The following CDKAL1 variants were observed in gnomAD, a reference collection of about 807,000 sequenced individuals.
CDKAL1 encodes the protein CDKAL1 threonylcarbamoyladenosine tRNA methylthiotransferase, also known as threonylcarbamoyladenosine tRNA methylthiotransferase.
CDKAL1 carries 32 observed loss-of-function variants against 68.2 expected under a neutral mutation model. The ratio of observed to expected loss-of-function variants is 0.47; its 90% CI spans 0.35 to 0.63. The LOEUF (loss-of-function observed/expected upper bound fraction) is 0.63, where lower values mean the gene tolerates loss of function less well. CDKAL1 is among the 30% of genes least tolerant of loss of function. CDKAL1 has a pLI of 0.00. For synonymous variants in CDKAL1, 234 were observed against 244.3 expected (o/e 0.96, Z 0.39); for missense variants, 606 against 696.7 (o/e 0.87, Z 1.47).
Position 21,134,320 on chromosome 6 carries a change from G to A in CDKAL1, c.1299+25857G>A, listed in dbSNP as rs1420934053. Among the ~76,000 whole-genome samples, 3 of 152,200 alleles carry A rather than the reference G, an allele frequency of 2.0e-5. No individual in the cohort carries two copies. In the East Asian group the frequency reaches 5.8e-4, roughly 29 times the overall value. ...AATCATAATCCTTTCAGTACCTAGA[G>A]AAGGGAGGGGAAGGGGATTTAAATT... On this transcript the variant is annotated intron_variant, in intron 13 of 15. Transcript: ENST00000274695.
intron 8 of CDKAL1, among the ~76,000 whole-genome samples, chr6:20,796,968 T>G (rs1776134560): frequency 1.3e-5 from 2 of 152,184 alleles, no homozygotes; most frequent in Admixed American, 6.5e-5. Flanking sequence ...ATATTTATGG[T>G]TAGGCAAAGA....
chr6:21,068,593 G>T (rs1457715077), intron 12 of CDKAL1, among the ~76,000 whole-genome samples: 1 of 152,094 alleles, frequency 6.6e-6, no homozygotes, highest in African/African-American at 2.4e-5. Context: ...TGGTCTGTTT[G>T]TCAGTCTTTC....
At chr6:20,960,893 A>G (rs929829920) in intron 10 of CDKAL1, among the ~76,000 whole-genome samples, 1 of 152,242 alleles carries the variant, frequency 6.6e-6, no homozygotes, top group Non-Finnish European at 1.5e-5. Flanking sequence ...GCTGTCTAGA[A>G]CAAATGAGCT....
At chr6:21,159,554 T>C (rs1776809874) in intron 13 of CDKAL1, among the ~76,000 whole-genome samples, 1 of 152,208 alleles carries the variant, frequency 6.6e-6, no homozygotes, top group Non-Finnish European at 1.5e-5. Flanking sequence ...CTTACTAGAT[T>C]GTAAGTTCCA....
chr6:21,161,199 T>C (rs1582328798), intron 13 of CDKAL1, among the ~76,000 whole-genome samples: 1 of 152,052 alleles, frequency 6.6e-6, no homozygotes, highest in Non-Finnish European at 1.5e-5. Flanking sequence ...TGGGCCCATC[T>C]TCCTTATGTA....
chr6:21,034,508 C>T (rs1007749486), intron 11 of CDKAL1, among the ~76,000 whole-genome samples: 1 of 152,178 alleles, frequency 6.6e-6, no homozygotes, highest in African/African-American at 2.4e-5. Flanking sequence ...CCAATTAAAG[C>T]AGCTCATAGA....
intron 8 of CDKAL1, among the ~76,000 whole-genome samples, chr6:20,783,158 G>A (rs910040795): frequency 2.0e-5 from 3 of 152,122 alleles, no homozygotes; most frequent in Admixed American, 6.5e-5. Flanking sequence ...TCAAACTCCT[G>A]AACTCAGGCA....
At chr6:20,930,926 G>C (rs1416556758) in intron 9 of CDKAL1, among the ~76,000 whole-genome samples, 1 of 150,304 alleles carries the variant, frequency 6.7e-6, no homozygotes, top group Non-Finnish European at 1.5e-5. Flanking sequence ...TGTATTTTTA[G>C]TAGAGACGGG....
chr6:20,912,955 A>G (rs962464336), intron 9 of CDKAL1, among the ~76,000 whole-genome samples: 3 of 152,044 alleles, frequency 2.0e-5, no homozygotes, highest in African/African-American at 7.2e-5. Flanking sequence ...TTTATTGTGA[A>G]TTGGTTTATA....
At chr6:21,220,961 G>A (rs570747006) in intron 15 of CDKAL1, among the ~76,000 whole-genome samples, 14 of 152,238 alleles carry the variant, frequency 9.2e-5, no homozygotes, top group African/African-American at 3.4e-4. Context: ...GAGGCCAGGA[G>A]TTCAAGACCA....
chr6:20,971,457 AATAGAT>A (rs1312113432), intron 10 of CDKAL1, among the ~76,000 whole-genome samples: 1 of 152,224 alleles, frequency 6.6e-6, no homozygotes, highest in East Asian at 1.9e-4. Flanking sequence ...ACTTAAAATT[AATAGAT>A]ATAAACTCTA....
In CDKAL1 at chr6:21,089,520, T is replaced by C. The variant is rs550760925; in HGVS notation, c.1237-18881T>C. Among the ~76,000 whole-genome samples, 49 of 152,200 alleles carry C rather than the reference T, an allele frequency of 3.2e-4. 1 individual carries two copies. In the South Asian group the frequency reaches 9.4e-3, roughly 29 times the overall value. On this transcript the variant is annotated intron_variant, in intron 12 of 15. Coordinates refer to ENST00000274695, the MANE Select transcript of CDKAL1 (RefSeq NM_017774.3). ...TGCAAATAGCAAATTAAAATAGGCA[T>C]ACATAATAAGTATGTGACTGTGTAG...
chr6:20,989,922 G>T (rs6456389), intron 10 of CDKAL1, among the ~76,000 whole-genome samples: 45,431 of 151,948 alleles, frequency 0.3, 7,918 homozygotes, highest in East Asian at 0.44. Flanking sequence ...TTGATTTCTT[G>T]TCCTTAACAG....
chr6:20,817,523 T>C (rs1581637443), intron 8 of CDKAL1, among the ~76,000 whole-genome samples: 1 of 152,174 alleles, frequency 6.6e-6, no homozygotes, highest in East Asian at 1.9e-4. Flanking sequence ...GCATAAAGAC[T>C]ATTATTCAGT....
chr6:21,210,903 G>T (rs994006762), intron 15 of CDKAL1, among the ~76,000 whole-genome samples: 2 of 152,176 alleles, frequency 1.3e-5, no homozygotes, highest in African/African-American at 4.8e-5. Context: ...CTGGTAAGAG[G>T]TGTCGCCTCT....
intron 12 of CDKAL1, among the ~76,000 whole-genome samples, chr6:21,077,856 G>A (rs139868986): frequency 3.0e-4 from 45 of 152,268 alleles, no homozygotes; most frequent in African/African-American, 9.4e-4. Flanking sequence ...CTCTTGAGAT[G>A]GGGAGGTTTT....
intron 9 of CDKAL1, among the ~76,000 whole-genome samples, chr6:20,878,185 A>G (rs1760625411): frequency 6.6e-6 from 1 of 152,094 alleles, no homozygotes; most frequent in Non-Finnish European, 1.5e-5. Context: ...AGATGATTTT[A>G]TCTGTATACC....
intron 5 of CDKAL1, among the ~76,000 whole-genome samples, chr6:20,701,092 C>T (rs551086417): frequency 6.6e-6 from 1 of 152,146 alleles, no homozygotes; most frequent in African/African-American, 2.4e-5. Flanking sequence ...CTTCAGGTTC[C>T]ATTAAGCAGT....
intron 9 of CDKAL1, among the ~76,000 whole-genome samples, chr6:20,924,058 A>G (rs1763075817): frequency 6.6e-6 from 1 of 151,620 alleles, no homozygotes; most frequent in Non-Finnish European, 1.5e-5. Flanking sequence ...AAGCCAAGGC[A>G]GGCTGAAAGC....
Sources: allele counts gnomAD v4.1 joint callset (sites outside exome capture counted in the v4.1 genomes callset), GRCh38; gene constraint gnomAD v4.1.1; transcripts MANE v1.5; gene names NCBI Gene and HGNC (gene_info 2026-07-23, HGNC 2026-07-21).